MICU2: variants seen among roughly 807,000 people sequenced by gnomAD.
MICU2 encodes mitochondrial calcium uptake 2.
A neutral mutation model predicts 60.4 loss-of-function variants in MICU2; 64 were observed. The ratio of observed to expected loss-of-function variants is 1.06; its 90% CI spans 0.87 to 1.31. The LOEUF (loss-of-function observed/expected upper bound fraction) is 1.31. MICU2 is among the 50% of genes most tolerant of loss of function. The pLI, the probability that MICU2 is intolerant of heterozygous loss-of-function variation, is 0.00. For missense variants in MICU2, 569 were observed against 531.0 expected (o/e 1.07, Z -0.70); for synonymous variants, 201 against 175.0 (o/e 1.15, Z -1.17).
chr13:21,525,181 ATTTTTTTTTTTTTTTTTT>A (rs71093324), intron 4 of MICU2, among the ~76,000 whole-genome samples: 2 of 83,300 alleles, frequency 2.4e-5, no homozygotes, highest in East Asian at 9.8e-4. Context: ...GTGTAATTCA[ATTTTTTTTTTTTTTTTTT>A]TTTTTTTTTT....
chr13:21,503,165 C>A, intron 8 of MICU2, 68 bp from the exon 9 acceptor site: 2 of 1,159,242 alleles, frequency 1.7e-6, no homozygotes, highest in South Asian at 1.5e-5. Context: ...GTAAATGGGT[C>A]TGCAAAGTAC....
rs1266956842 is a variant in MICU2 at position 21,521,325 on chromosome 13, G to A, written c.517C>T (p.Pro173Ser). 3.1e-6 allele frequency: 5 copies of A among 1,606,948 alleles called. No individual in the cohort carries two copies. Among genetic ancestry groups the A allele is most frequent in the Non-Finnish European group, 4.2e-6 (5 of 1,177,754 alleles). Reference sequence around the variant, plus strand: ...AAAGCAACATGAAATCCAGAATGGGGTTCTGCAGTGAAGTGAAAAATGAAT... The same window carrying A: ...AAAGCAACATGAAATCCAGAATGGGATTCTGCAGTGAAGTGAAAAATGAAT... ...YLFLLTILTK[P>S]HSGFHVAFKM... Residue 173 changes from proline to serine, a missense_variant and splice_region_variant, in exon 6 of 12, where the codon CCC (proline) becomes TCC (serine). Coordinates refer to ENST00000382374, the MANE Select transcript of MICU2 (RefSeq NM_152726.3).
At chr13:21,550,850 G>C (rs1230676705) in intron 2 of MICU2, among the ~76,000 whole-genome samples, 5 of 152,160 alleles carry the variant, frequency 3.3e-5, no homozygotes, top group Admixed American at 6.5e-5. Context: ...TAGACTAATA[G>C]CTTATATAAC....
At chr13:21,557,133 A>G (rs969449251) in intron 2 of MICU2, among the ~76,000 whole-genome samples, 3 of 152,180 alleles carry the variant, frequency 2.0e-5, no homozygotes, top group Non-Finnish European at 2.9e-5. Flanking sequence ...ATTAAATCTG[A>G]GAATAGGTGC....
intron 1 of MICU2, among the ~76,000 whole-genome samples, chr13:21,567,341 T>TG (rs1025113800): frequency 5.9e-5 from 9 of 152,030 alleles, no homozygotes; most frequent in South Asian, 2.1e-4. Context: ...GTCCTGGGGT[T>TG]GGGGGGTCTC....
intron 1 of MICU2, among the ~76,000 whole-genome samples, chr13:21,591,499 C>T (rs1207913019): frequency 6.6e-6 from 1 of 152,164 alleles, no homozygotes; most frequent in African/African-American, 2.4e-5. Context: ...ATATTCAAGA[C>T]TTGAACTCTG....
rs538660821 is a variant in MICU2 at position 21,571,202 on chromosome 13, G to A, written c.211-4258C>T. ...ATCTCTTTTTCACTGTGGCATATTC[G>A]TGGTAGGTTAGGCTTGGTAAACTGA... On this transcript the variant is annotated intron_variant, in intron 1 of 11. Transcript: ENST00000382374. Among the ~76,000 whole-genome samples the A allele has an allele frequency of 4.6e-5, 7 of 152,022 alleles. No homozygotes were observed. In the South Asian group the frequency reaches 1.2e-3, roughly 27 times the overall value.
Position 21,496,245 on chromosome 13 carries a change from G to A in MICU2, c.934-85C>T, listed in dbSNP as rs116815286. On this transcript the variant is annotated intron_variant, in intron 9 of 11. Coordinates refer to ENST00000382374, the MANE Select transcript of MICU2 (RefSeq NM_152726.3). The stretch of plus-strand genomic sequence containing the variant: ...TTAACTATGAACTTTCTTTTCTACC[G>A]TAGAGACTAGTATCATTCTAAGAGG... 8.2e-4 allele frequency: 756 copies of A among 920,500 alleles called. 5 individuals are homozygous for A. Among genetic ancestry groups the A allele is most frequent in the African/African-American group, 7.5e-3 (451 of 60,324 alleles). The allele number at this position is 920,500 out of a possible 1,614,324, so 57.0% of individuals were successfully genotyped here. A position where few individuals can be genotyped will look rare whatever the true frequency, so the allele number is the denominator to read the frequency against.
At chr13:21,586,798 C>A (rs528817089) in intron 1 of MICU2, among the ~76,000 whole-genome samples, 11 of 152,114 alleles carry the variant, frequency 7.2e-5, no homozygotes, top group Non-Finnish European at 1.5e-4. Context: ...TTCTAACTTG[C>A]GCAGCATTTT....
At chr13:21,593,570 G>T (rs376568903) in intron 1 of MICU2, among the ~76,000 whole-genome samples, 1 of 5,690 alleles carries the variant, frequency 1.8e-4, no homozygotes, top group South Asian at 0.01. Context: ...ACAATCCTAA[G>T]CAAAAAAAAA....
chr13:21,529,305 AG>A (rs1039416982), intron 4 of MICU2, among the ~76,000 whole-genome samples: 1 of 152,208 alleles, frequency 6.6e-6, no homozygotes, highest in Non-Finnish European at 1.5e-5. Context: ...TCAAGAATAC[AG>A]GAAGTGTTGG....
rs557898619 is a variant in MICU2, at chr13:21,506,513, A to G, written c.762-3416T>C. 2.0e-5 allele frequency among the ~76,000 whole-genome samples: 3 copies of G among 152,228 alleles called. No individual in the cohort carries two copies. The East Asian group carries it at 5.8e-4, about 29-fold the overall frequency. On this transcript the variant is annotated intron_variant, in intron 8 of 11. Transcript: ENST00000382374. ...ACAGACACTCTTCTGCTAGCCTGGA[A>G]ATGTGTCTTTTTGATTTTACATAGA...
At chr13:21,531,310 C>G in intron 4 of MICU2, 1 of 1,572,970 alleles carries the variant, frequency 6.4e-7, no homozygotes, top group Non-Finnish European at 8.7e-7. Flanking sequence ...GACTCACCAA[C>G]AAATGTACAG....
intron 1 of MICU2, among the ~76,000 whole-genome samples, chr13:21,585,849 T>TA (rs1888444870): frequency 6.6e-6 from 1 of 152,084 alleles, no homozygotes; most frequent in South Asian, 2.1e-4. Flanking sequence ...ACTCACAAAA[T>TA]AAAAAATGAG....
chr13:21,536,358 C>T (rs1035179302), intron 4 of MICU2, among the ~76,000 whole-genome samples: 4 of 150,508 alleles, frequency 2.7e-5, no homozygotes, highest in Non-Finnish European at 5.9e-5. Flanking sequence ...TTTTGAGACA[C>T]GGTCTTGCTC....
intron 1 of MICU2, among the ~76,000 whole-genome samples, chr13:21,587,803 G>A (rs943650163): frequency 3.3e-4 from 51 of 152,292 alleles, no homozygotes; most frequent in African/African-American, 1.2e-3. Context: ...AAGCTGAATA[G>A]TTAGGTATAA....
intron 2 of MICU2, among the ~76,000 whole-genome samples, chr13:21,547,654 T>A (rs150919955): frequency 6.6e-6 from 1 of 152,306 alleles, no homozygotes; most frequent in East Asian, 1.9e-4. Flanking sequence ...ATTGATGTAT[T>A]TACGAGTCTA....
At chr13:21,547,381 C>G (rs1403547850) in intron 2 of MICU2, among the ~76,000 whole-genome samples, 1 of 152,202 alleles carries the variant, frequency 6.6e-6, no homozygotes, top group Non-Finnish European at 1.5e-5. Flanking sequence ...GAAATTCTAT[C>G]CATTCTTCAC....
chr13:21,576,188 A>G (rs1020199105), intron 1 of MICU2, among the ~76,000 whole-genome samples: 1 of 152,236 alleles, frequency 6.6e-6, no homozygotes, highest in Non-Finnish European at 1.5e-5. Flanking sequence ...GCAACAGACT[A>G]ATATTTTTCA....
Sources: allele counts gnomAD v4.1 joint callset (sites outside exome capture counted in the v4.1 genomes callset), GRCh38; gene constraint gnomAD v4.1.1; transcripts MANE v1.5; gene names NCBI Gene and HGNC (gene_info 2026-07-23, HGNC 2026-07-21).